Variants in CNDP2 observed in about 807,000 individuals in gnomAD.
The protein encoded by CNDP2 is carnosine dipeptidase 2, also known as cytosolic non-specific dipeptidase.
Under a neutral mutation model 55.0 loss-of-function variants are expected in CNDP2, and 38 were observed. The ratio of observed to expected loss-of-function variants is 0.69; its 90% CI spans 0.53 to 0.90. CNDP2 has a LOEUF of 0.90. Ranked by LOEUF, CNDP2 falls within the 40% of genes least tolerant of loss-of-function variation. The probability of loss-of-function intolerance (pLI) is 0.00; values close to 1 mark genes in which losing one functional copy is unlikely to be tolerated. For missense variants in CNDP2, 607 were observed against 621.7 expected, an observed-to-expected ratio of 0.98 and a Z score of 0.25; for synonymous variants, 241 against 260.2, an observed-to-expected ratio of 0.93 and a Z score of 0.71.
chr18:74,499,149 G>C (rs576279114), intron 1 of CNDP2, among the ~76,000 whole-genome samples: 1 of 152,322 alleles, frequency 6.6e-6, no homozygotes, highest in Non-Finnish European at 1.5e-5. Flanking sequence ...TCATGTCCCC[G>C]CAGTTTTGAA....
chr18:74,503,376 G>A (rs1485486990), intron 3 of CNDP2, among the ~76,000 whole-genome samples: 2 of 152,156 alleles, frequency 1.3e-5, no homozygotes, highest in Non-Finnish European at 2.9e-5. Flanking sequence ...GTGGTGTTCT[G>A]TTTTTCAGAG....
rs369009602 is a variant in CNDP2, at chr18:74,513,617, C to T, written c.801C>T (p.Ala267=). ...TCCCCGGCATTAACGAGGCCGTGGCCGCCGTCACGGAAGAGGAGCACAAGC... is the reference window on the plus strand; with the variant it reads ...TCCCCGGCATTAACGAGGCCGTGGCTGCCGTCACGGAAGAGGAGCACAAGC... ...ILIPGINEAV[A]AVTEEEHKLY... Residue 267 remains alanine (A), a synonymous_variant, in exon 8 of 12, where the codon GCC becomes GCT. Transcript: ENST00000324262. 12 of 1,613,842 alleles carry T rather than the reference C, an allele frequency of 7.4e-6. No homozygotes were observed. Among genetic ancestry groups the T allele is most frequent in the East Asian group, 2.2e-5 (1 of 44,884 alleles).
intron 4 of CNDP2, chr18:74,508,561 C>A: frequency 2.5e-6 from 1 of 396,324 alleles, no homozygotes; most frequent in Non-Finnish European, 4.7e-6. Context: ...GGTCTCCACC[C>A]TGACCCAGCA....
chr18:74,514,374 G>GT (rs1213819837), intron 8 of CNDP2, among the ~76,000 whole-genome samples: 2 of 152,100 alleles, frequency 1.3e-5, no homozygotes, highest in Non-Finnish European at 2.9e-5. Context: ...CGGTACAGAT[G>GT]TAAGTTCTGC....
intron 1 of CNDP2, among the ~76,000 whole-genome samples, chr18:74,496,842 A>G (rs1435829706): frequency 6.6e-6 from 1 of 152,144 alleles, no homozygotes; most frequent in East Asian, 1.9e-4. Flanking sequence ...GCCTGCTGAG[A>G]ACTCCAGCCT....
chr18:74,497,781 T>A (rs2144564707), intron 1 of CNDP2: 1 of 152,326 alleles, frequency 6.6e-6, no homozygotes, highest in Middle Eastern at 3.4e-3. Flanking sequence ...TGACAACCTG[T>A]CTCTAAATAA....
chr18:74,503,417 G>A (rs1978824846), intron 3 of CNDP2, among the ~76,000 whole-genome samples: 1 of 152,210 alleles, frequency 6.6e-6, no homozygotes, highest in African/African-American at 2.4e-5. Context: ...GGTGAAGGTG[G>A]AAGTGGGTGT....
intron 2 of CNDP2, among the ~76,000 whole-genome samples, chr18:74,500,531 T>A (rs1978633438): frequency 6.6e-6 from 1 of 152,248 alleles, no homozygotes; most frequent in Non-Finnish European, 1.5e-5. Context: ...ATCTTTCAGT[T>A]GTAATTTAGT....
rs749370448 is a variant in CNDP2, at chr18:74,501,311, C to T, written c.61-18C>T. On this transcript the variant is annotated intron_variant, in intron 2 of 11. Coordinates refer to ENST00000324262, the MANE Select transcript of CNDP2 (RefSeq NM_018235.3). ...GACACCTTTTCAGAATCCCTCGTTG[C>T]TTCTTGTCCACAAACAGAAACTCGC... The T allele has an allele frequency of 5.6e-6, 9 of 1,609,516 alleles. No homozygotes were observed. In the South Asian group the frequency reaches 6.6e-5, roughly 12 times the overall value.
intron 9 of CNDP2, chr18:74,518,203 A>T (rs1979812323): frequency 9.9e-6 from 2 of 201,220 alleles, no homozygotes; most frequent in South Asian, 1.7e-4. Flanking sequence ...CGGAGCTTGC[A>T]GTGAGCCGAG....
At position 74,505,598 on chromosome 18, in the gene CNDP2, C is replaced by CA. The variant is rs369659489; in HGVS notation, c.205-233dup. Reference sequence around the variant, plus strand: ...TGGGTGACAGAGCAAGATTCTGTCTCAAAAAAAAAAAAAAAAAATTTACCA... The same window carrying CA: ...TGGGTGACAGAGCAAGATTCTGTCTCAAAAAAAAAAAAAAAAAAATTTACCA... On this transcript the variant is annotated intron_variant, in intron 3 of 11. Transcript: ENST00000324262. Among the ~76,000 whole-genome samples the CA allele has an allele frequency of 4.8e-3, 596 of 123,078 alleles. 2 individuals are homozygous for CA. The highest frequency in any genetic ancestry group is 0.021 in the East Asian group (92 of 4,424). The allele number at this position is 123,078 out of a possible 152,430, so 80.7% of individuals were successfully genotyped here.
intron 3 of CNDP2, among the ~76,000 whole-genome samples, chr18:74,501,881 A>G (rs1263952214): frequency 6.6e-6 from 1 of 151,752 alleles, no homozygotes; most frequent in Non-Finnish European, 1.5e-5. Flanking sequence ...TGCGTCCTTG[A>G]GCCTTATTTT....
chr18:74,513,766 A>G (rs1480018723), intron 8 of CNDP2, 47 bp downstream of exon 8: 1 of 1,589,442 alleles, frequency 6.3e-7, no homozygotes, highest in East Asian at 2.3e-5. Context: ...CCACGCTGTG[A>G]CACAGGTGTC....
At position 74,518,565 on chromosome 18, in the gene CNDP2, G is replaced by A. The variant is rs138489021; in HGVS notation, c.1135G>A (p.Gly379Ser). Residue 379 changes from glycine (G) to serine (S), a missense_variant, in exon 10 of 12, where the codon GGC becomes AGC. Gly to Ser is a moderately conservative substitution (Grantham distance 56, BLOSUM62 0). Coordinates refer to ENST00000324262, the MANE Select transcript of CNDP2 (RefSeq NM_018235.3). ...CCCCAATGAGTTCAAGGTGTACATG[G>A]GCCACGGTGGGAAGCCCTGGGTCTC... Reference protein sequence around the residue: ...RSPNEFKVYMGHGGKPWVSDF... With the variant: ...RSPNEFKVYMSHGGKPWVSDF... 2.7e-4 allele frequency: 429 copies of A among 1,614,176 alleles called. No homozygotes were observed. Among genetic ancestry groups the A allele is most frequent in the Admixed American group, 6.7e-4 (40 of 60,034 alleles).
chr18:74,501,148 A>G, intron 2 of CNDP2, 181 bp from the exon 3 acceptor site: 1 of 1,327,156 alleles, frequency 7.5e-7, no homozygotes, highest in South Asian at 2.0e-5. Flanking sequence ...TTCCCTCAGT[A>G]CAAACAGTTT....
Position 74,520,268 on chromosome 18 carries a change from A to G in CNDP2, c.*200A>G. On this transcript the variant is annotated 3_prime_UTR_variant, in exon 12 of 12. Coordinates refer to ENST00000324262, the MANE Select transcript of CNDP2 (RefSeq NM_018235.3). ...TTGGGCTTATGAGTGACCTGGAGTGACAGCTGAGTCACCCTGGGTAAGTTC... is the reference window on the plus strand; with the variant it reads ...TTGGGCTTATGAGTGACCTGGAGTGGCAGCTGAGTCACCCTGGGTAAGTTC... 1 of 562,140 alleles carries G rather than the reference A, an allele frequency of 1.8e-6. No individual in the cohort carries two copies. The highest frequency in any genetic ancestry group is 3.2e-6 in the Non-Finnish European group (1 of 312,360). The allele number at this position is 562,140 out of a possible 1,614,324, so 34.8% of individuals were successfully genotyped here. A position where few individuals can be genotyped will look rare whatever the true frequency, so the allele number is the denominator to read the frequency against.
In CNDP2 at chr18:74,505,905, C is replaced by A. The variant is rs140625371; in HGVS notation, c.261C>A (p.Ser87=). The A allele has an allele frequency of 1.9e-6, 3 of 1,611,932 alleles. No homozygotes were observed. In the African/African-American group the frequency reaches 4.0e-5, roughly 22 times the overall value. The change falls in exon 4 of 12, where the codon TCC becomes TCA. Residue 87 remains serine, a synonymous_variant. Transcript: ENST00000324262. The part of the protein sequence containing the change: ...LPPILLGRLG[S]DPQKKTVCIY... Reference sequence around the variant, plus strand: ...CTATTCTGCTCGGCAGGCTGGGCTCCGACCCACAGAAGAAGACCGTGTGCA... The same window carrying A: ...CTATTCTGCTCGGCAGGCTGGGCTCAGACCCACAGAAGAAGACCGTGTGCA...
chr18:74,514,143 G>A lies in CNDP2; in HGVS notation c.903+424G>A, dbSNP rs941090242. Among the ~76,000 whole-genome samples the A allele has an allele frequency of 9.8e-5, 15 of 152,308 alleles. No individual in the cohort carries two copies. The East Asian group carries it at 1.2e-3, about 12-fold the overall frequency. On this transcript the variant is annotated intron_variant, in intron 8 of 11. Transcript: ENST00000324262. ...CTCTTAATAGGCTGTAGGTTTATGC[G>A]GTACATATGTAAGTTCTGCAGGCTG... is the stretch of plus-strand genomic sequence containing the variant.
chr18:74,511,510 C>T (rs1170912047), intron 6 of CNDP2, among the ~76,000 whole-genome samples: 2 of 152,040 alleles, frequency 1.3e-5, no homozygotes, highest in Non-Finnish European at 2.9e-5. Context: ...AGTTTGAAAC[C>T]AGCCTGGCCA....
Sources: gnomAD v4.1 joint callset for allele counts (sites outside exome capture counted in the v4.1 genomes callset) on GRCh38, gnomAD v4.1.1 for gene constraint, MANE v1.5 for transcripts, NCBI Gene and HGNC (gene_info 2026-07-23, HGNC 2026-07-21) for gene names.